The following FSTL5 variants were observed in gnomAD, a reference collection of about 807,000 sequenced individuals.
FSTL5 encodes follistatin-related protein 5.
In FSTL5, 62 loss-of-function variants were observed where a neutral mutation model predicts 89.1. The observed-to-expected ratio is 0.70, with a 90% CI of 0.57 to 0.86. FSTL5 has a LOEUF of 0.86. FSTL5 is among the 40% of genes least tolerant of loss of function. The probability of loss-of-function intolerance (pLI) is 0.00; values close to 1 mark genes in which losing one functional copy is unlikely to be tolerated. For synonymous variants in FSTL5, 383 were observed against 346.2 expected (o/e 1.11, Z -1.18); for missense variants, 1,057 against 1,001.6 (o/e 1.06, Z -0.75).
intron 4 of FSTL5, among the ~76,000 whole-genome samples, chr4:161,891,954 C>T (rs1005359688): frequency 5.3e-5 from 8 of 151,954 alleles, no homozygotes; most frequent in Non-Finnish European, 8.8e-5. Flanking sequence ...TAAGTTTTTG[C>T]CATCATGGAA....
intron 4 of FSTL5, among the ~76,000 whole-genome samples, chr4:161,799,406 C>A (rs1014562599): frequency 4.0e-5 from 6 of 151,414 alleles, no homozygotes; most frequent in Non-Finnish European, 8.9e-5. Flanking sequence ...TTGAAGATAT[C>A]CCTTTATGAT....
chr4:162,037,360 G>T (rs1047628683), intron 2 of FSTL5, among the ~76,000 whole-genome samples: 2 of 151,976 alleles, frequency 1.3e-5, no homozygotes, highest in East Asian at 3.9e-4. Flanking sequence ...AGGAAAGGTG[G>T]TTGGCTAATT....
chr4:161,972,293 C>T (rs776678483), intron 3 of FSTL5, among the ~76,000 whole-genome samples: 1 of 152,052 alleles, frequency 6.6e-6, no homozygotes, highest in Non-Finnish European at 1.5e-5. Context: ...AGGCTGGTCT[C>T]GAACTCCTGA....
intron 6 of FSTL5, among the ~76,000 whole-genome samples, chr4:161,748,627 T>C (rs886155624): frequency 5.1e-4 from 74 of 146,116 alleles, no homozygotes; most frequent in African/African-American, 1.8e-3. Flanking sequence ...TTTTTTTTTT[T>C]TCTCAGACTG....
intron 3 of FSTL5, among the ~76,000 whole-genome samples, chr4:161,944,941 G>A (rs1456473785): frequency 6.6e-6 from 1 of 151,604 alleles, no homozygotes; most frequent in Non-Finnish European, 1.5e-5. Context: ...TATATAAAGT[G>A]ATATTTATAT....
At chr4:161,405,157 C>A (rs376588728) in intron 15 of FSTL5, among the ~76,000 whole-genome samples, 1 of 151,472 alleles carries the variant, frequency 6.6e-6, no homozygotes, top group Non-Finnish European at 1.5e-5. Flanking sequence ...TGCTTGAACC[C>A]GGGAGGCAGA....
In FSTL5 at chr4:162,112,226, G is replaced by A. The variant is rs140848313; in HGVS notation, c.-16-814C>T. On this transcript the variant is annotated intron_variant, in intron 1 of 15. Transcript: ENST00000306100. The stretch of plus-strand genomic sequence containing the variant: ...TCTTCTGTCAAAGCCAATCTGTTAT[G>A]TCTGATTTCTTGGGAAACTTAATCA... 4.1e-4 allele frequency among the ~76,000 whole-genome samples: 62 copies of A among 151,904 alleles called. 2 individuals are homozygous for A. In the East Asian group the frequency reaches 0.012, roughly 28 times the overall value.
intron 15 of FSTL5, among the ~76,000 whole-genome samples, chr4:161,443,411 A>C (rs901791339): frequency 6.6e-6 from 1 of 152,060 alleles, no homozygotes; most frequent in Non-Finnish European, 1.5e-5. Flanking sequence ...TAAGCGGCAG[A>C]ACATGAATTT....
chr4:162,111,479 A>T, intron 1 of FSTL5, 67 bp from the exon 2 acceptor site: 1 of 1,206,326 alleles, frequency 8.3e-7, no homozygotes, highest in Non-Finnish European at 1.2e-6. Context: ...TGTATCATGA[A>T]ATATTTAATA....
chr4:162,068,868 T>G (rs1281959947), intron 2 of FSTL5, among the ~76,000 whole-genome samples: 1 of 151,824 alleles, frequency 6.6e-6, no homozygotes, highest in East Asian at 1.9e-4. Flanking sequence ...ACAACCCCAT[T>G]AAACAGTGGG....
intron 4 of FSTL5, among the ~76,000 whole-genome samples, chr4:161,795,267 T>C (rs1177515171): frequency 6.6e-6 from 1 of 152,158 alleles, no homozygotes; most frequent in Non-Finnish European, 1.5e-5. Context: ...TTGTATTTCA[T>C]CTGACAATTC....
At chr4:161,598,409 G>A (rs1031786438) in intron 7 of FSTL5, among the ~76,000 whole-genome samples, 7 of 122,790 alleles carry the variant, frequency 5.7e-5, no homozygotes, top group South Asian at 2.9e-4. Context: ...CAAACAAAAC[G>A]CATGTTTTTG....
intron 3 of FSTL5, among the ~76,000 whole-genome samples, chr4:161,984,483 G>C (rs962879394): frequency 6.6e-6 from 1 of 151,966 alleles, no homozygotes; most frequent in East Asian, 1.9e-4. Context: ...CGACGAGAAG[G>C]TATAAAAAAT....
At chr4:162,042,076 G>A (rs1290365268) in intron 2 of FSTL5, 1 of 151,794 alleles carries the variant, frequency 6.6e-6, no homozygotes, top group Non-Finnish European at 1.5e-5. Flanking sequence ...CTTGAACCCA[G>A]GACACGGCAG....
At chr4:161,441,371 C>A (rs954381325) in intron 15 of FSTL5, among the ~76,000 whole-genome samples, 3 of 151,964 alleles carry the variant, frequency 2.0e-5, no homozygotes, top group Non-Finnish European at 2.9e-5. Context: ...GATGATATTG[C>A]CCTTCATTGT....
intron 4 of FSTL5, among the ~76,000 whole-genome samples, chr4:161,779,787 ATATATATATATATATATATATATG>A (rs1560840870): frequency 0.02 from 598 of 29,998 alleles, 35 homozygotes; most frequent in African/African-American, 0.071. Flanking sequence ...ATATATATAT[ATATATATATATATATATATATATG>A]TATATATATA....
chr4:161,724,920 C>G (rs575889236), intron 6 of FSTL5, among the ~76,000 whole-genome samples: 1 of 152,138 alleles, frequency 6.6e-6, no homozygotes, highest in African/African-American at 2.4e-5. Context: ...ATTGGCCAGG[C>G]GCAGTGGCTC....
At chr4:161,428,420 G>A (rs561870662) in intron 15 of FSTL5, among the ~76,000 whole-genome samples, 1 of 152,258 alleles carries the variant, frequency 6.6e-6, no homozygotes, top group Non-Finnish European at 1.5e-5. Flanking sequence ...CCACCCCTCC[G>A]CCAACCCCAG....
At chr4:161,492,474 T>C (rs991945652) in intron 12 of FSTL5, among the ~76,000 whole-genome samples, 1 of 152,170 alleles carries the variant, frequency 6.6e-6, no homozygotes, top group Admixed American at 6.6e-5. Flanking sequence ...CATGTATATA[T>C]GCATATAAAT....
Sources: gnomAD v4.1 joint callset for allele counts (sites outside exome capture counted in the v4.1 genomes callset) on GRCh38, gnomAD v4.1.1 for gene constraint, MANE v1.5 for transcripts, NCBI Gene and HGNC (gene_info 2026-07-23, HGNC 2026-07-21) for gene names.